RORA: variants seen among roughly 807,000 people sequenced by gnomAD.
RORA encodes the protein nuclear receptor ROR-alpha.
In RORA, 7 loss-of-function variants were observed where a neutral mutation model predicts 69.5. That is an observed-to-expected ratio of 0.10 (90% confidence interval 0.06 to 0.19). RORA has a LOEUF of 0.19. RORA is among the 10% of genes least tolerant of loss of function. The pLI, the probability that RORA is intolerant of heterozygous loss-of-function variation, is 1.00. For synonymous variants in RORA, 261 were observed against 240.8 expected, an observed-to-expected ratio of 1.08 and a Z score of -0.78; for missense variants, 457 against 663.0, an observed-to-expected ratio of 0.69 and a Z score of 3.41.
At chr15:61,070,073 T>C (rs573818753) in intron 1 of RORA, among the ~76,000 whole-genome samples, 2 of 152,344 alleles carry the variant, frequency 1.3e-5, no homozygotes, top group South Asian at 4.1e-4. Flanking sequence ...CCCATAAAAA[T>C]GTAGTTATAT....
chr15:60,875,361 C>T (rs2073601867), intron 1 of RORA, among the ~76,000 whole-genome samples: 1 of 152,212 alleles, frequency 6.6e-6, no homozygotes, highest in Non-Finnish European at 1.5e-5. Context: ...AAAACACAAC[C>T]TATACAATTT....
intron 1 of RORA, among the ~76,000 whole-genome samples, chr15:61,215,902 A>C (rs938882299): frequency 1.7e-4 from 26 of 152,258 alleles, no homozygotes; most frequent in African/African-American, 6.0e-4. Flanking sequence ...CAATGGCACT[A>C]TTATTACAGC....
intron 1 of RORA, among the ~76,000 whole-genome samples, chr15:60,819,767 A>ACACACACACACACACACGCACG (rs1555455767): frequency 6.8e-6 from 1 of 147,532 alleles, no homozygotes; most frequent in African/African-American, 2.5e-5. Flanking sequence ...ACACACACAC[A>ACACACACACACACACACGCACG]CACACACACA....
intron 2 of RORA, chr15:60,547,961 A>C (rs1185561638): frequency 1.3e-5 from 2 of 152,218 alleles, no homozygotes; most frequent in African/African-American, 4.8e-5. Context: ...TGACTTTGGG[A>C]GAAAACTCTG....
At chr15:60,874,585 G>C (rs2073593561) in intron 1 of RORA, among the ~76,000 whole-genome samples, 1 of 152,138 alleles carries the variant, frequency 6.6e-6, no homozygotes, top group Admixed American at 6.5e-5. Flanking sequence ...GAAAGGCATG[G>C]GGCCTGATTT....
At chr15:60,606,230 T>A (rs556805016) in intron 2 of RORA, among the ~76,000 whole-genome samples, 134 of 152,318 alleles carry the variant, frequency 8.8e-4, no homozygotes, top group African/African-American at 2.9e-3. Context: ...GATATGCCTG[T>A]GTATCCCTGG....
chr15:60,733,385 AG>A lies in RORA; in HGVS notation c.167-54700del, dbSNP rs1200834833. ...GACCAGTCTGTGTGGGTAAATCCCC[AG>A]GGCATGCAGTTTTTGCGTGGGCTGA... On this transcript the variant is annotated intron_variant, in intron 1 of 10. Transcript: ENST00000335670. Among the ~76,000 whole-genome samples, 4 of 152,350 alleles carry A rather than the reference AG, an allele frequency of 2.6e-5. No individual in the cohort carries two copies. In the East Asian group the frequency reaches 7.7e-4, roughly 29 times the overall value.
intron 1 of RORA, among the ~76,000 whole-genome samples, chr15:61,214,739 C>T (rs1285220549): frequency 6.6e-6 from 1 of 152,144 alleles, no homozygotes; most frequent in East Asian, 1.9e-4. Context: ...CCTCCCTGCC[C>T]ATACCACCCT....
chr15:61,118,993 G>A (rs1466191008), intron 1 of RORA, among the ~76,000 whole-genome samples: 15 of 150,756 alleles, frequency 9.9e-5, no homozygotes, highest in Admixed American at 8.0e-4. Flanking sequence ...AATAAAAAAG[G>A]AATGCGTGAG....
intron 1 of RORA, among the ~76,000 whole-genome samples, chr15:60,831,956 C>T (rs1055182395): frequency 2.0e-5 from 3 of 152,186 alleles, no homozygotes; most frequent in African/African-American, 7.2e-5. Flanking sequence ...ACAAAGCCTA[C>T]AACCTGACCT....
chr15:60,904,876 C>A (rs920895551), intron 1 of RORA, among the ~76,000 whole-genome samples: 1 of 151,986 alleles, frequency 6.6e-6, no homozygotes, highest in Non-Finnish European at 1.5e-5. Flanking sequence ...TGGTCAAGGC[C>A]AATGTTGAAG....
chr15:60,587,368 T>TATAA (rs1798605175), intron 2 of RORA, among the ~76,000 whole-genome samples: 1 of 152,222 alleles, frequency 6.6e-6, no homozygotes, highest in Admixed American at 6.5e-5. Flanking sequence ...TTTTTTCCCA[T>TATAA]ATAAATGCCA....
intron 1 of RORA, among the ~76,000 whole-genome samples, chr15:60,708,239 T>C (rs993403160): frequency 1.3e-5 from 2 of 151,908 alleles, no homozygotes; most frequent in Non-Finnish European, 1.5e-5. Flanking sequence ...CTGACCAACA[T>C]GGTGAAACCC....
intron 1 of RORA, among the ~76,000 whole-genome samples, chr15:61,052,602 C>T (rs2078029769): frequency 6.6e-6 from 1 of 152,212 alleles, no homozygotes; most frequent in Non-Finnish European, 1.5e-5. Flanking sequence ...TCAAAGACAG[C>T]CTGTTTCTAC....
In RORA at chr15:61,061,396, A is replaced by C. The variant is rs113025654; in HGVS notation, c.166+167657T>G. ...AAATAAATAAATAAATAAATAAATA[A>C]ATACAAGGGCATCGCAGGAAGTCCT... On this transcript the variant is annotated intron_variant, in intron 1 of 10. Transcript: ENST00000335670. The surrounding 1 kb of genome is among the most constrained non-coding windows in gnomAD (Gnocchi z 4.4). Among the ~76,000 whole-genome samples the C allele has an allele frequency of 0.082, 12,333 of 150,022 alleles. 631 individuals carry two copies. The highest frequency in any genetic ancestry group is 0.13 in the South Asian group (622 of 4,730).
intron 1 of RORA, among the ~76,000 whole-genome samples, chr15:61,149,687 C>T (rs189139791): frequency 1.5e-4 from 23 of 152,166 alleles, no homozygotes; most frequent in Admixed American, 5.9e-4. Flanking sequence ...CACAACAGAA[C>T]GGAAAGCACT....
chr15:60,673,456 C>T (rs2070505339), intron 2 of RORA, among the ~76,000 whole-genome samples: 1 of 152,212 alleles, frequency 6.6e-6, no homozygotes, highest in African/African-American at 2.4e-5. Context: ...CTTTCTCAGA[C>T]TGGCTGATTT....
chr15:60,859,854 G>A (rs1263738551), intron 1 of RORA, among the ~76,000 whole-genome samples: 1 of 151,922 alleles, frequency 6.6e-6, no homozygotes. Flanking sequence ...TCTCCTCCAG[G>A]AGGACATAGC....
chr15:60,671,332 G>C (rs1036825590), intron 2 of RORA, among the ~76,000 whole-genome samples: 4 of 152,030 alleles, frequency 2.6e-5, no homozygotes. Flanking sequence ...GTCATTACTG[G>C]TGTGGGGTAC....
Sources: allele counts gnomAD v4.1 joint callset (sites outside exome capture counted in the v4.1 genomes callset), GRCh38; gene constraint gnomAD v4.1.1; non-coding constraint Gnocchi (gnomAD v3.1); transcripts MANE v1.5; gene names NCBI Gene and HGNC (gene_info 2026-07-23, HGNC 2026-07-21).